The following IQCE variants were observed in gnomAD, a reference collection of about 807,000 sequenced individuals.
IQCE encodes the protein IQ domain-containing protein E.
IQCE carries 115 observed loss-of-function variants against 96.0 expected under a neutral mutation model. The ratio of observed to expected loss-of-function variants is 1.20; its 90% confidence interval spans 1.03 to 1.40. The LOEUF (loss-of-function observed/expected upper bound fraction) is 1.40. Among genes scored for constraint, IQCE ranks in the 40% most tolerant of loss-of-function variants. The pLI is 0.00. For synonymous variants in IQCE, 412 were observed against 371.2 expected (o/e 1.11, Z -1.26); for missense variants, 1,041 against 909.1 (o/e 1.15, Z -1.87).
At chr7:2,595,414 G>C (rs987647013) in intron 16 of IQCE, among the ~76,000 whole-genome samples, 1 of 152,146 alleles carries the variant, frequency 6.6e-6, no homozygotes, top group African/African-American at 2.4e-5. Context: ...CCTCTGGGTG[G>C]GGTGGGGCTT....
intron 8 of IQCE, among the ~76,000 whole-genome samples, chr7:2,581,633 G>A (rs1411645645): frequency 6.6e-6 from 1 of 152,078 alleles, no homozygotes; most frequent in Non-Finnish European, 1.5e-5. Context: ...TTGAGTCCAG[G>A]AGTTCAACAC....
intron 20 of IQCE, among the ~76,000 whole-genome samples, chr7:2,606,913 C>T (rs1162871772): frequency 5.3e-5 from 8 of 152,136 alleles, no homozygotes; most frequent in South Asian, 4.1e-4. Context: ...AGGAGATGGA[C>T]GGGGACGTGT....
At chr7:2,586,474 C>T in intron 12 of IQCE, 103 bp downstream of exon 12, 1 of 1,274,100 alleles carries the variant, frequency 7.8e-7, no homozygotes, top group Non-Finnish European at 1.1e-6. Flanking sequence ...ACCACGAGGG[C>T]AGATGTGAAC....
chr7:2,595,132 T>C (rs574474412), intron 16 of IQCE, among the ~76,000 whole-genome samples, 156 bp downstream of exon 16: 56 of 152,350 alleles, frequency 3.7e-4, no homozygotes, highest in African/African-American at 1.3e-3. Flanking sequence ...TCATGTCGTG[T>C]GTATCGAAGT....
Position 2,613,875 on chromosome 7 carries a change from G to A in IQCE, c.*3713G>A, listed in dbSNP as rs542952100. Reference sequence around the variant, plus strand: ...AGACCACCGTTCCCGCAGGCCTGGGGTGAGTGACCTGACTGAGACTAGCGG... The same window carrying A: ...AGACCACCGTTCCCGCAGGCCTGGGATGAGTGACCTGACTGAGACTAGCGG... On this transcript the variant is annotated 3_prime_UTR_variant, in exon 22 of 22. Coordinates refer to ENST00000402050, the MANE Select transcript of IQCE (RefSeq NM_152558.5). The A allele has an allele frequency of 6.6e-6, 1 of 152,214 alleles. No individual in the cohort carries two copies. Among genetic ancestry groups the A allele is most frequent in the South Asian group, 2.1e-4 (1 of 4,828 alleles). The allele number at this position is 152,214 out of a possible 1,614,324, so 9.4% of individuals were successfully genotyped here.
Position 2,612,746 on chromosome 7 carries a change from GA to G in IQCE, c.*2585del, listed in dbSNP as rs1257722617. The G allele has an allele frequency of 6.5e-6, 1 of 153,682 alleles. No individual in the cohort carries two copies. Among genetic ancestry groups the G allele is most frequent in the African/African-American group, 2.4e-5 (1 of 41,336 alleles). The allele number at this position is 153,682 out of a possible 1,614,324, so 9.5% of individuals were successfully genotyped here. ...AGCTGTGGGCGGGGCCTAGTCATGG[GA>G]GGGGTGAGCTGTGGATGGGGCCTAG... On this transcript the variant is annotated 3_prime_UTR_variant, in exon 22 of 22. Coordinates refer to ENST00000402050, the MANE Select transcript of IQCE (RefSeq NM_152558.5).
intron 18 of IQCE, 88 bp downstream of exon 18, chr7:2,601,552 CTT>C (rs767448282): frequency 3.0e-6 from 3 of 987,464 alleles, no homozygotes; most frequent in Admixed American, 3.6e-5. Context: ...GTGTTGATTC[CTT>C]TTCTTTTTTT....
chr7:2,561,263 T>G (rs1183277238), intron 1 of IQCE, among the ~76,000 whole-genome samples: 1 of 151,686 alleles, frequency 6.6e-6, no homozygotes, highest in Non-Finnish European at 1.5e-5. Context: ...CAGCCCTATG[T>G]AGATCTTTGA....
rs1011752331 is a variant in IQCE, at chr7:2,593,077, T to C, written c.1300T>C (p.Cys434Arg). ...GGCCGACCTGGAGAAGGAGCTGGAG[T>C]GCGCGAGGGAGGGCGAGGAGGAGAG... is the stretch of plus-strand genomic sequence containing the variant. ...AKADLEKELE[C>R]AREGEEERRE... Residue 434 changes from cysteine (C) to arginine (R), a missense_variant, in exon 15 of 22, where the codon TGC becomes CGC. Cys to Arg is a radical substitution (Grantham distance 180). Transcript: ENST00000402050. 5 of 1,611,780 alleles carry C rather than the reference T, an allele frequency of 3.1e-6. No homozygotes were observed. In the African/African-American group the frequency reaches 5.3e-5, roughly 17 times the overall value.
At chr7:2,598,286 A>T in intron 16 of IQCE, 179 bp from the exon 17 acceptor site, 1 of 574,064 alleles carries the variant, frequency 1.7e-6, no homozygotes, top group East Asian at 2.9e-5. Flanking sequence ...TCTCAGCAGT[A>T]CAAGAGACCG....
intron 21 of IQCE, 48 bp from the exon 22 acceptor site, chr7:2,609,996 C>A (rs540715526): frequency 1.1e-5 from 12 of 1,061,466 alleles, no homozygotes; most frequent in Admixed American, 5.1e-5. Context: ...GGTGGCAGCC[C>A]CTGAGGTCAG....
In IQCE at chr7:2,594,342, C is replaced by G. The variant is rs116607422; in HGVS notation, c.1350-544C>G. Among the ~76,000 whole-genome samples, 772 of 150,486 alleles carry G rather than the reference C, an allele frequency of 5.1e-3. 5 individuals are homozygous for G. The highest frequency in any genetic ancestry group is 0.018 in the African/African-American group (752 of 40,692). On this transcript the variant is annotated intron_variant, in intron 15 of 21. Coordinates refer to ENST00000402050, the MANE Select transcript of IQCE (RefSeq NM_152558.5). ...TCAGAAGACTTGAATTAAAGTAAAT[C>G]TGAAAGGGCACATGTGCAGAAATGA...
intron 19 of IQCE, among the ~76,000 whole-genome samples, chr7:2,605,195 C>T (rs947406628): frequency 2.0e-5 from 3 of 152,246 alleles, no homozygotes; most frequent in Non-Finnish European, 4.4e-5. Context: ...ATGGATGTGG[C>T]GTTAGGGCCA....
At position 2,601,566 on chromosome 7, in the gene IQCE, TC is replaced by T. The variant is rs766040687; in HGVS notation, c.1632+103del. On this transcript the variant is annotated intron_variant, in intron 18 of 21. Coordinates refer to ENST00000402050, the MANE Select transcript of IQCE (RefSeq NM_152558.5). ...TGTGTTGATTCCTTTTCTTTTTTTT[TC>T]GAGATGGAATCTCGCTCTGTGGCCC... 7 of 927,648 alleles carry T rather than the reference TC, an allele frequency of 7.5e-6. No homozygotes were observed. The South Asian group carries it at 9.5e-5, about 13-fold the overall frequency. The allele number at this position is 927,648 out of a possible 1,614,324, so 57.5% of individuals were successfully genotyped here. A position where few individuals can be genotyped will look rare whatever the true frequency, so the allele number is the denominator to read the frequency against.
chr7:2,595,014 G>A (rs377295200), intron 16 of IQCE, 38 bp downstream of exon 16: 122 of 1,433,190 alleles, frequency 8.5e-5, no homozygotes, highest in African/African-American at 4.5e-4. Flanking sequence ...CGTCAGGTGC[G>A]GTGAGACTTT....
intron 2 of IQCE, among the ~76,000 whole-genome samples, chr7:2,568,175 C>G (rs932007377): frequency 1.3e-5 from 2 of 152,158 alleles, no homozygotes; most frequent in African/African-American, 4.8e-5. Context: ...CCTCATGAGG[C>G]CACAAGTGGG....
At chr7:2,561,657 G>A (rs539270895) in intron 1 of IQCE, among the ~76,000 whole-genome samples, 1 of 152,124 alleles carries the variant, frequency 6.6e-6, no homozygotes, top group African/African-American at 2.4e-5. Flanking sequence ...TCCTGACCTC[G>A]TGATGCACCC....
At chr7:2,601,557 C>G in intron 18 of IQCE, 93 bp downstream of exon 18, 2 of 945,718 alleles carry the variant, frequency 2.1e-6, no homozygotes, top group Non-Finnish European at 1.7e-6. Flanking sequence ...GATTCCTTTT[C>G]TTTTTTTTTC....
At chr7:2,593,186 T>C (rs1783747379) in intron 15 of IQCE, 60 bp downstream of exon 15, 13 of 1,535,842 alleles carry the variant, frequency 8.5e-6, no homozygotes, top group Non-Finnish European at 1.1e-5. Context: ...CTGCTACCAC[T>C]GCGGCCCCCC....
Sources: allele counts gnomAD v4.1 joint callset (sites outside exome capture counted in the v4.1 genomes callset), GRCh38; gene constraint gnomAD v4.1.1; transcripts MANE v1.5; gene names NCBI Gene and HGNC (gene_info 2026-07-23, HGNC 2026-07-21).